ZEB2: variants seen among roughly 807,000 people sequenced by gnomAD.
ZEB2 encodes zinc finger E-box binding homeobox 2.
ZEB2 carries 6 observed loss-of-function variants against 99.9 expected under a neutral mutation model. That is an observed-to-expected ratio of 0.06 (90% CI 0.03 to 0.12). ZEB2 has a LOEUF of 0.12. ZEB2 is among the 10% of genes least tolerant of loss of function. ZEB2 has a pLI of 1.00. For missense variants in ZEB2, 969 were observed against 1,502.8 expected (o/e 0.64, Z 5.87); for synonymous variants, 517 against 542.5 (o/e 0.95, Z 0.65).
chr2:144,395,785 C>G (rs1441358611), intron 9 of ZEB2, among the ~76,000 whole-genome samples: 1 of 152,144 alleles, frequency 6.6e-6, no homozygotes, highest in Non-Finnish European at 1.5e-5. Flanking sequence ...CTTGTCAACT[C>G]TTTGTAATTG....
At chr2:144,401,766 G>A (rs1377628751) in intron 6 of ZEB2, among the ~76,000 whole-genome samples, 1 of 151,804 alleles carries the variant, frequency 6.6e-6, no homozygotes, top group Non-Finnish European at 1.5e-5. Context: ...TTTTGTATCA[G>A]CATAAAAGTA....
chr2:144,446,657 A>AT (rs200486379), intron 2 of ZEB2, among the ~76,000 whole-genome samples: 2,435 of 150,756 alleles, frequency 0.016, 67 homozygotes, highest in African/African-American at 0.056. Flanking sequence ...ATCTACTCTC[A>AT]TTTTTTTTTC....
intron 2 of ZEB2, among the ~76,000 whole-genome samples, chr2:144,458,996 G>A (rs190951982): frequency 5.9e-5 from 9 of 152,182 alleles, no homozygotes; most frequent in Non-Finnish European, 8.8e-5. Flanking sequence ...GAGGTGAAAC[G>A]TCTGCTTGCC....
intron 2 of ZEB2, among the ~76,000 whole-genome samples, chr2:144,508,281 C>A (rs543982417): frequency 1.3e-5 from 2 of 152,172 alleles, no homozygotes; most frequent in African/African-American, 4.8e-5. Flanking sequence ...ATCTGGGAGG[C>A]AGGGTGCAAC....
chr2:144,452,835 TGG>T (rs1560630347), intron 2 of ZEB2, among the ~76,000 whole-genome samples: 1 of 152,144 alleles, frequency 6.6e-6, no homozygotes, highest in African/African-American at 2.4e-5. Flanking sequence ...AACATTTACG[TGG>T]GGACAGGGGG....
chr2:144,517,355 A>G lies in ZEB2; in HGVS notation c.-5T>C. On this transcript the variant is annotated 5_prime_UTR_variant, in exon 2 of 10. Transcript: ENST00000627532. The stretch of plus-strand genomic sequence containing the variant: ...CGCCATGATCGGCTGCTTCATTGAT[A>G]AGAGCGGATCAGATGGCAGTTCGCA... 2 of 1,613,576 alleles carry G rather than the reference A, an allele frequency of 1.2e-6. No individual in the cohort carries two copies. Among genetic ancestry groups the G allele is most frequent in the Non-Finnish European group, 1.7e-6 (2 of 1,179,820 alleles).
chr2:144,419,311 T>C (rs562724670), intron 4 of ZEB2, among the ~76,000 whole-genome samples: 71 of 152,344 alleles, frequency 4.7e-4, no homozygotes, highest in African/African-American at 1.4e-3. Context: ...ATTTATTGTG[T>C]TGTGTAAGAT....
intron 2 of ZEB2, among the ~76,000 whole-genome samples, chr2:144,438,425 G>A (rs921573469): frequency 6.6e-6 from 1 of 151,956 alleles, no homozygotes; most frequent in African/African-American, 2.4e-5. Context: ...AAATCATTGA[G>A]GGGGAAATAG....
In ZEB2 at chr2:144,403,955, G is replaced by C; in HGVS notation, c.768C>G (p.Leu256=). The part of the protein sequence containing the change: ...CSYTFAYRTQ[L]ERHMVTHKPG... The stretch of plus-strand genomic sequence containing the variant: ...GCTTGTGTGTCACCATATGCCGCTC[G>C]AGCTGGGTGCGGTAGGCAAACGTGT... Residue 256 remains leucine, a synonymous_variant, in exon 6 of 10, where the codon CTC becomes CTG. Coordinates refer to ENST00000627532, the MANE Select transcript of ZEB2 (RefSeq NM_014795.4). 2 of 1,614,096 alleles carry C rather than the reference G, an allele frequency of 1.2e-6. No individual in the cohort carries two copies. The highest frequency in any genetic ancestry group is 1.7e-6 in the Non-Finnish European group (2 of 1,180,018).
intron 5 of ZEB2, 54 bp from the exon 6 acceptor site, chr2:144,404,184 A>G: frequency 6.3e-7 from 1 of 1,584,340 alleles, no homozygotes; most frequent in South Asian, 1.1e-5. Flanking sequence ...CAGTAAATCA[A>G]TGGCAGCTAA....
chr2:144,519,906 A>C, intron 1 of ZEB2, 33 bp downstream of exon 1: 1 of 433,932 alleles, frequency 2.3e-6, no homozygotes. Context: ...AAAAGGGATA[A>C]AAAGAGAGAA....
chr2:144,480,027 T>G (rs1034337454), intron 2 of ZEB2, among the ~76,000 whole-genome samples: 3 of 151,828 alleles, frequency 2.0e-5, no homozygotes, highest in African/African-American at 7.3e-5. Flanking sequence ...GCACAAATCA[T>G]ATCATGTCAG....
chr2:144,443,060 T>C (rs914554975), intron 2 of ZEB2, among the ~76,000 whole-genome samples: 1 of 152,180 alleles, frequency 6.6e-6, no homozygotes, highest in African/African-American at 2.4e-5. Context: ...TCAAGGCCTG[T>C]GTTTTTATTC....
At chr2:144,448,947 T>C (rs1476131858) in intron 2 of ZEB2, 1 of 152,250 alleles carries the variant, frequency 6.6e-6, no homozygotes, top group Admixed American at 6.5e-5. Flanking sequence ...TTATCCTGCG[T>C]GGGTGTACCA....
chr2:144,386,818 A>G lies in ZEB2; in HGVS notation c.*2633T>C, dbSNP rs995277797. ...TTTATGTAGTGTATTTATTTGTGCCATTCAAAGAAGGAGAAACGAGGATAG... is the reference window on the plus strand; with the variant it reads ...TTTATGTAGTGTATTTATTTGTGCCGTTCAAAGAAGGAGAAACGAGGATAG... On this transcript the variant is annotated 3_prime_UTR_variant, in exon 10 of 10. Transcript: ENST00000627532. 1 of 152,088 alleles carries G rather than the reference A, an allele frequency of 6.6e-6. No homozygotes were observed. Among genetic ancestry groups the G allele is most frequent in the African/African-American group, 2.4e-5 (1 of 41,400 alleles). 9.4% of individuals were successfully genotyped at this position (152,088 alleles called of 1,614,324 possible). A position where few individuals can be genotyped will look rare whatever the true frequency, so the allele number is the denominator to read the frequency against.
chr2:144,443,063 T>A (rs1703936904), intron 2 of ZEB2, among the ~76,000 whole-genome samples: 1 of 152,174 alleles, frequency 6.6e-6, no homozygotes, highest in African/African-American at 2.4e-5. Context: ...AGGCCTGTGT[T>A]TTTATTCAAA....
At chr2:144,500,028 T>A (rs561652911) in intron 2 of ZEB2, among the ~76,000 whole-genome samples, 33 of 152,300 alleles carry the variant, frequency 2.2e-4, no homozygotes, top group Non-Finnish European at 4.1e-4. Flanking sequence ...TTTGAAAACA[T>A]TTTCACCTGC....
At chr2:144,430,396 G>T (rs1410964139) in intron 2 of ZEB2, 1 of 300,718 alleles carries the variant, frequency 3.3e-6, no homozygotes, top group East Asian at 9.1e-5. Context: ...TTAGCTTAGA[G>T]ACATGAAGTA....
chr2:144,437,145 C>T (rs2149894151), intron 2 of ZEB2, among the ~76,000 whole-genome samples: 1 of 152,270 alleles, frequency 6.6e-6, no homozygotes, highest in South Asian at 2.1e-4. Context: ...GAAATTTTTT[C>T]AGCTTCACTT....
Sources: allele counts gnomAD v4.1 joint callset (sites outside exome capture counted in the v4.1 genomes callset), GRCh38; gene constraint gnomAD v4.1.1; transcripts MANE v1.5; gene names NCBI Gene and HGNC (gene_info 2026-07-23, HGNC 2026-07-21).